NWD2: variants seen among roughly 807,000 people sequenced by gnomAD.
The protein encoded by NWD2 is NACHT and WD repeat domain-containing protein 2.
In NWD2, 37 loss-of-function variants were observed where a neutral mutation model predicts 132.7. The ratio of observed to expected loss-of-function variants is 0.28; its 90% CI spans 0.21 to 0.37. The LOEUF is 0.37. Ranked by LOEUF, NWD2 falls within the 10% of genes least tolerant of loss-of-function variation. NWD2 has a pLI of 1.00. For synonymous variants in NWD2, 705 were observed against 803.0 expected, an observed-to-expected ratio of 0.88 and a Z score of 2.06; for missense variants, 1,592 against 2,122.4, an observed-to-expected ratio of 0.75 and a Z score of 4.91.
chr4:37,342,208 T>G (rs1719542106), intron 2 of NWD2, among the ~76,000 whole-genome samples: 1 of 152,086 alleles, frequency 6.6e-6, no homozygotes, highest in Non-Finnish European at 1.5e-5. Context: ...ATGAGTGAGT[T>G]TTCATTCTAT....
At chr4:37,276,335 G>GA (rs1304303556) in intron 1 of NWD2, among the ~76,000 whole-genome samples, 1 of 152,146 alleles carries the variant, frequency 6.6e-6, no homozygotes, top group Non-Finnish European at 1.5e-5. Flanking sequence ...ACAGACACGT[G>GA]AAAAAATGCT....
intron 3 of NWD2, among the ~76,000 whole-genome samples, chr4:37,374,047 G>A (rs974657124): frequency 6.6e-6 from 1 of 152,204 alleles, no homozygotes; most frequent in African/African-American, 2.4e-5. Flanking sequence ...TGTCCCCTCT[G>A]AATCCTGTTG....
Position 37,446,652 on chromosome 4 carries a change from G to C in NWD2, c.4664G>C (p.Ser1555Thr), listed in dbSNP as rs1448871346. 6.4e-7 allele frequency: 1 copy of C among 1,551,550 alleles called. No individual in the cohort carries two copies. Among genetic ancestry groups the C allele is most frequent in the African/African-American group, 1.4e-5 (1 of 73,100 alleles). The stretch of plus-strand genomic sequence containing the variant: ...AACATCAATGTGCTAGATTTATACA[G>C]TGGTAAATTGCGGGTGGTTCACGCC... ...DENINVLDLY[S>T]GKLRVVHASG... Residue 1555 changes from serine to threonine, a missense_variant, in exon 7 of 7, where the codon AGT becomes ACT. Around this residue, in one of 7 missense-constraint regions of NWD2, gnomAD observed 257 missense variants for 335.0 expected, o/e 0.77. Coordinates refer to ENST00000309447, the MANE Select transcript of NWD2 (RefSeq NM_001144990.2). This position sits in a 1 kb window ranked among gnomAD's most constrained non-coding sequence, Gnocchi z 6.7.
Position 37,444,317 on chromosome 4 carries a change from C to G in NWD2, c.2329C>G (p.Leu777Val). 6.4e-7 allele frequency: 1 copy of G among 1,551,720 alleles called. No individual in the cohort carries two copies. Among genetic ancestry groups the G allele is most frequent in the Middle Eastern group, 1.7e-4 (1 of 5,994 alleles). ...WSGGRRKAFCLEDPYLNGCLD... is the reference protein window; with the variant it reads ...WSGGRRKAFCVEDPYLNGCLD... ...AGGGGGCAGGAGGAAAGCCTTCTGCCTTGAGGACCCCTACTTGAATGGCTG... is the reference window on the plus strand; with the variant it reads ...AGGGGGCAGGAGGAAAGCCTTCTGCGTTGAGGACCCCTACTTGAATGGCTG... The change falls in exon 7 of 7, where the codon CTT (leucine) becomes GTT (valine). Residue 777 changes from leucine (L) to valine (V), a missense_variant. Physicochemically the swap from Leu to Val is conservative, Grantham distance 32. This residue lies in a region of NWD2 where 1,071 missense variants were observed against 1,398.0 expected (regional missense o/e 0.77). Transcript: ENST00000309447. The surrounding 1 kb of genome is among the most constrained non-coding windows in gnomAD (Gnocchi z 4.8).
intron 1 of NWD2, among the ~76,000 whole-genome samples, chr4:37,263,209 A>G (rs3910363): frequency 0.18 from 26,923 of 152,076 alleles, 2,707 homozygotes; most frequent in South Asian, 0.32. Context: ...CAGCAGGAAA[A>G]TGTAATGGCC....
intron 1 of NWD2, among the ~76,000 whole-genome samples, chr4:37,294,547 G>A (rs1718438327): frequency 6.6e-6 from 1 of 152,180 alleles, no homozygotes; most frequent in African/African-American, 2.4e-5. Flanking sequence ...AAGGGAAAAG[G>A]TGGAAAACAT....
intron 1 of NWD2, among the ~76,000 whole-genome samples, chr4:37,295,235 C>A (rs886617621): frequency 1.3e-5 from 2 of 151,226 alleles, no homozygotes; most frequent in African/African-American, 2.4e-5. Flanking sequence ...TTTATTTTTT[C>A]ACAAGAATCA....
chr4:37,398,757 A>G (rs996910021), intron 3 of NWD2, among the ~76,000 whole-genome samples: 1 of 152,248 alleles, frequency 6.6e-6, no homozygotes, highest in Non-Finnish European at 1.5e-5. Context: ...AATCATATCT[A>G]TGCCAAAAAG....
At chr4:37,311,637 A>G (rs1478943276) in intron 1 of NWD2, among the ~76,000 whole-genome samples, 3 of 148,006 alleles carry the variant, frequency 2.0e-5, no homozygotes, top group Non-Finnish European at 4.4e-5. Flanking sequence ...TCTTTAGTTT[A>G]ATTAGATCCC....
chr4:37,293,147 T>C (rs1718400278), intron 1 of NWD2, among the ~76,000 whole-genome samples: 1 of 152,254 alleles, frequency 6.6e-6, no homozygotes, highest in Admixed American at 6.5e-5. Context: ...TAAGCCAATA[T>C]TTGTTGTTTT....
At chr4:37,286,422 C>A (rs1718231392) in intron 1 of NWD2, among the ~76,000 whole-genome samples, 1 of 152,156 alleles carries the variant, frequency 6.6e-6, no homozygotes, top group African/African-American at 2.4e-5. Flanking sequence ...GGGAACAGGA[C>A]CCTTGGAACC....
intron 2 of NWD2, among the ~76,000 whole-genome samples, chr4:37,346,410 T>C (rs953817192): frequency 5.3e-5 from 8 of 152,222 alleles, no homozygotes; most frequent in African/African-American, 1.9e-4. Flanking sequence ...GTCTTAATTA[T>C]TGTGGTTTTG....
intron 1 of NWD2, among the ~76,000 whole-genome samples, chr4:37,263,283 G>A (rs1191047384): frequency 3.9e-5 from 6 of 152,114 alleles, no homozygotes; most frequent in Admixed American, 1.3e-4. Context: ...GAATCATACT[G>A]ACTATTTTTT....
chr4:37,311,139 G>A (rs1718832997), intron 1 of NWD2, among the ~76,000 whole-genome samples: 1 of 151,774 alleles, frequency 6.6e-6, no homozygotes, highest in African/African-American at 2.4e-5. Flanking sequence ...AGTCCTTTGG[G>A]TATATACCCA....
At chr4:37,431,066 G>T (rs889632918) in intron 4 of NWD2, among the ~76,000 whole-genome samples, 2 of 152,124 alleles carry the variant, frequency 1.3e-5, no homozygotes, top group Non-Finnish European at 2.9e-5. Flanking sequence ...ACTGTTGGTG[G>T]GACTGTACAT....
Position 37,406,307 on chromosome 4 carries a change from C to T in NWD2, c.358-24265C>T, listed in dbSNP as rs147684075. Among the ~76,000 whole-genome samples, 344 of 152,224 alleles carry T rather than the reference C, an allele frequency of 2.3e-3. 2 individuals carry two copies. The highest frequency in any genetic ancestry group is 7.1e-3 in the African/African-American group (294 of 41,540). On this transcript the variant is annotated intron_variant, in intron 3 of 6. Coordinates refer to ENST00000309447, the MANE Select transcript of NWD2 (RefSeq NM_001144990.2). The stretch of plus-strand genomic sequence containing the variant: ...TGGCCTGTCTCAGAATTTCTAACAG[C>T]GAGTCACAGAGATCTTTTGTGCTTC...
rs572503076 is a variant in NWD2 at position 37,328,227 on chromosome 4, C to A, written c.240+2203C>A. On this transcript the variant is annotated intron_variant, in intron 2 of 6. Coordinates refer to ENST00000309447, the MANE Select transcript of NWD2 (RefSeq NM_001144990.2). ...CCCTCAGGTCTCCACTGAAATGTCA[C>A]CCCTAGAGATGCTTTTCTTTTTATT... Among the ~76,000 whole-genome samples, 3 of 152,206 alleles carry A rather than the reference C, an allele frequency of 2.0e-5. No homozygotes were observed. The East Asian group carries it at 5.8e-4, about 29-fold the overall frequency.
chr4:37,300,153 C>T, intron 1 of NWD2, among the ~76,000 whole-genome samples: 1 of 152,168 alleles, frequency 6.6e-6, no homozygotes, highest in African/African-American at 2.4e-5. Flanking sequence ...TCGGACAAAA[C>T]TAATTGTTCC....
chr4:37,306,692 A>G (rs1439420555), intron 1 of NWD2, among the ~76,000 whole-genome samples: 1 of 152,154 alleles, frequency 6.6e-6, no homozygotes, highest in Non-Finnish European at 1.5e-5. Flanking sequence ...AAAATTTGTT[A>G]AGACTTGTTT....
Sources: allele counts gnomAD v4.1 joint callset (sites outside exome capture counted in the v4.1 genomes callset), GRCh38; gene constraint gnomAD v4.1.1; regional missense constraint gnomAD v4.1.1; non-coding constraint Gnocchi (gnomAD v3.1); transcripts MANE v1.5; gene names NCBI Gene and HGNC (gene_info 2026-07-23, HGNC 2026-07-21).